The following USO1 variants were observed in gnomAD, a reference collection of about 807,000 sequenced individuals.
USO1 encodes USO1 vesicle transport factor.
USO1 carries 57 observed loss-of-function variants against 124.5 expected under a neutral mutation model. The observed-to-expected ratio is 0.46, with a 90% CI of 0.37 to 0.57. The LOEUF is 0.57. USO1 is among the 20% of genes least tolerant of loss of function. The probability of loss-of-function intolerance (pLI) is 0.00; values close to 1 mark genes in which losing one functional copy is unlikely to be tolerated. For synonymous variants in USO1, 369 were observed against 362.8 expected (o/e 1.02, Z -0.19); for missense variants, 900 against 1,040.6 (o/e 0.86, Z 1.86).
chr4:75,735,533 T>C (rs982182440), intron 1 of USO1, among the ~76,000 whole-genome samples: 9 of 152,158 alleles, frequency 5.9e-5, no homozygotes, highest in Admixed American at 3.3e-4. Flanking sequence ...AGTTTTTCTT[T>C]TTTTGGAAAC....
intron 17 of USO1, among the ~76,000 whole-genome samples, chr4:75,803,042 G>A (rs1366505084): frequency 4.5e-5 from 6 of 133,486 alleles, no homozygotes; most frequent in Admixed American, 8.5e-5. Flanking sequence ...AGCCGAGATC[G>A]CACCATTGCA....
chr4:75,805,494 G>A (rs1722969560), intron 19 of USO1, among the ~76,000 whole-genome samples, 191 bp downstream of exon 19: 1 of 152,058 alleles, frequency 6.6e-6, no homozygotes, highest in Non-Finnish European at 1.5e-5. Flanking sequence ...ATCACCTGAG[G>A]TCAGGAGTTC....
chr4:75,745,332 G>T (rs1188748297), intron 1 of USO1: 1 of 519,822 alleles, frequency 1.9e-6, no homozygotes, highest in East Asian at 5.5e-5. Flanking sequence ...TTAGTCAAAG[G>T]CTTGTCAGGG....
intron 1 of USO1, among the ~76,000 whole-genome samples, chr4:75,729,014 T>G (rs1218742365): frequency 6.6e-6 from 1 of 152,100 alleles, no homozygotes; most frequent in Non-Finnish European, 1.5e-5. Flanking sequence ...ACCAGGATGG[T>G]CTCGATCTCC....
chr4:75,759,088 C>T (rs1257605084), intron 4 of USO1, among the ~76,000 whole-genome samples: 1 of 151,434 alleles, frequency 6.6e-6, no homozygotes, highest in Non-Finnish European at 1.5e-5. Context: ...AAATGTGTAG[C>T]AACAATATTT....
At chr4:75,794,263 G>C (rs569213644) in intron 13 of USO1, among the ~76,000 whole-genome samples, 1 of 152,276 alleles carries the variant, frequency 6.6e-6, no homozygotes, top group East Asian at 1.9e-4. Flanking sequence ...GTTCATAGCT[G>C]TGTATTTCCC....
chr4:75,754,461 A>T (rs186325809), intron 3 of USO1, among the ~76,000 whole-genome samples: 4 of 152,324 alleles, frequency 2.6e-5, no homozygotes, highest in Admixed American at 2.6e-4. Context: ...GATCTTAGCT[A>T]CAGTTGAATG....
At chr4:75,740,436 C>T (rs910414713) in intron 1 of USO1, among the ~76,000 whole-genome samples, 2 of 152,122 alleles carry the variant, frequency 1.3e-5, no homozygotes, top group Admixed American at 6.6e-5. Flanking sequence ...TACAGGCACT[C>T]GCCAACATGC....
In USO1 at chr4:75,738,188, A is replaced by G. The variant is rs183888132; in HGVS notation, c.66+13303A>G. Reference sequence around the variant, plus strand: ...TATTAAGTTGGGGGCCAGGCACAGTAGGTCATGCCTGTAATCCCAGCACTT... The same window carrying G: ...TATTAAGTTGGGGGCCAGGCACAGTGGGTCATGCCTGTAATCCCAGCACTT... On this transcript the variant is annotated intron_variant, in intron 1 of 23. Coordinates refer to ENST00000514213, the MANE Select transcript of USO1 (RefSeq NM_003715.4). 3.0e-3 allele frequency among the ~76,000 whole-genome samples: 457 copies of G among 151,626 alleles called. 6 individuals are homozygous for G. The highest frequency in any genetic ancestry group is 0.017 in the Admixed American group (256 of 15,210).
At chr4:75,738,538 C>T (rs972502413) in intron 1 of USO1, among the ~76,000 whole-genome samples, 2 of 152,014 alleles carry the variant, frequency 1.3e-5, no homozygotes, top group South Asian at 2.1e-4. Flanking sequence ...AGTGCAGTGG[C>T]GTAAACATGG....
Position 75,762,194 on chromosome 4 carries a change from CAG to C in USO1, c.295+4624_295+4625del, listed in dbSNP as rs111523143. Among the ~76,000 whole-genome samples the C allele has an allele frequency of 1.2e-3, 127 of 104,824 alleles. 1 individual carries two copies. Among genetic ancestry groups the C allele is most frequent in the African/African-American group, 4.7e-3 (123 of 25,912 alleles). 68.8% of individuals were successfully genotyped at this position (104,824 alleles called of 152,430 possible). A position where few individuals can be genotyped will look rare whatever the true frequency, so the allele number is the denominator to read the frequency against. On this transcript the variant is annotated intron_variant, in intron 4 of 23. Transcript: ENST00000514213. The stretch of plus-strand genomic sequence containing the variant: ...TTTTTTTTTTTTTTTTTTTTTGAGA[CAG>C]AGTCTCACTCTGTTGCCAGGCTAGG...
intron 7 of USO1, 57 bp from the exon 8 acceptor site, chr4:75,774,619 T>C: frequency 6.5e-7 from 1 of 1,540,614 alleles, no homozygotes; most frequent in African/African-American, 1.4e-5. Context: ...TTTGAAGTAA[T>C]TTAAAAATGT....
chr4:75,745,400 C>G, intron 1 of USO1: 1 of 506,662 alleles, frequency 2.0e-6, no homozygotes, highest in South Asian at 1.4e-5. Flanking sequence ...TACTATGTTC[C>G]TTTGTTACTA....
chr4:75,812,555 A>G (rs1009985696), intron 23 of USO1, among the ~76,000 whole-genome samples, 180 bp downstream of exon 23: 2 of 152,180 alleles, frequency 1.3e-5, no homozygotes, highest in Admixed American at 6.5e-5. Context: ...TAATACACAG[A>G]TTAGGTTCAG....
At chr4:75,727,232 A>G (rs1434241524) in intron 1 of USO1, among the ~76,000 whole-genome samples, 5 of 152,204 alleles carry the variant, frequency 3.3e-5, no homozygotes, top group Non-Finnish European at 5.9e-5. Flanking sequence ...AGCTTGCACA[A>G]GGTTGAAGAG....
At chr4:75,799,882 A>G (rs1408512417) in intron 14 of USO1, 150 bp downstream of exon 14, 3 of 888,536 alleles carry the variant, frequency 3.4e-6, no homozygotes, top group Non-Finnish European at 4.9e-6. Flanking sequence ...AGTTGTTATG[A>G]TGCTTGTTTA....
intron 10 of USO1, among the ~76,000 whole-genome samples, chr4:75,789,859 A>G (rs539499111): frequency 1.1e-4 from 16 of 152,060 alleles, no homozygotes; most frequent in African/African-American, 2.9e-4. Context: ...GTGTTATTTT[A>G]TTGGAGACCC....
At chr4:75,771,005 T>C (rs1053182865) in intron 6 of USO1, 77 bp from the exon 7 acceptor site, 1 of 1,597,250 alleles carries the variant, frequency 6.3e-7, no homozygotes, top group Non-Finnish European at 8.5e-7. Flanking sequence ...AATGGTGTGT[T>C]AGTAAATTGT....
chr4:75,757,514 T>G lies in USO1; in HGVS notation c.236T>G (p.Ile79Arg). ...TTTTCCAGTTCAGATTCTGAAATAA[T>G]AGGTTATGCTTTGGACACACTATAT... The part of the protein sequence containing the change: ...LQTDRSDSEI[I>R]GYALDTLYNI... Residue 79 changes from isoleucine to arginine, a missense_variant, in exon 4 of 24, where the codon ATA becomes AGA. Ile to Arg is a moderately conservative substitution (Grantham distance 97). Around this residue, in one of 2 missense-constraint regions of USO1, gnomAD observed 538 missense variants for 681.6 expected, o/e 0.79. Transcript: ENST00000514213. 2 of 1,513,290 alleles carry G rather than the reference T, an allele frequency of 1.3e-6. No homozygotes were observed. Among genetic ancestry groups the G allele is most frequent in the Non-Finnish European group, 1.8e-6 (2 of 1,129,306 alleles). The allele number at this position is 1,513,290 out of a possible 1,614,324, so 93.7% of individuals were successfully genotyped here.
Sources: allele counts gnomAD v4.1 joint callset (sites outside exome capture counted in the v4.1 genomes callset), GRCh38; gene constraint gnomAD v4.1.1; regional missense constraint gnomAD v4.1.1; transcripts MANE v1.5; gene names NCBI Gene and HGNC (gene_info 2026-07-23, HGNC 2026-07-21).